PLPPR1: variants seen among roughly 807,000 people sequenced by gnomAD.
PLPPR1 encodes phospholipid phosphatase related 1, also known as phospholipid phosphatase-related protein type 1.
In PLPPR1, 10 loss-of-function variants were observed where a neutral mutation model predicts 33.1. The observed-to-expected ratio is 0.30, with a 90% CI of 0.19 to 0.51. PLPPR1 has a LOEUF of 0.51. Among genes scored for constraint, PLPPR1 ranks in the 20% least tolerant of loss-of-function variants. The probability of loss-of-function intolerance (pLI) is 0.97; values close to 1 mark genes in which losing one functional copy is unlikely to be tolerated. For missense variants in PLPPR1, 304 were observed against 408.1 expected (o/e 0.74, Z 2.20); for synonymous variants, 151 against 151.0 (o/e 1.00, Z 0.00).
intron 2 of PLPPR1, among the ~76,000 whole-genome samples, chr9:101,231,243 G>T (rs1177116327): frequency 6.7e-6 from 1 of 148,734 alleles, no homozygotes; most frequent in African/African-American, 2.5e-5. Context: ...GACTATTGCG[G>T]GAAGGGAAAA....
chr9:101,230,724 A>G (rs898570250), intron 2 of PLPPR1, among the ~76,000 whole-genome samples: 1 of 152,054 alleles, frequency 6.6e-6, no homozygotes, highest in Non-Finnish European at 1.5e-5. Context: ...TTCAAAACCC[A>G]TCGTGGGCTA....
At chr9:101,151,535 C>T (rs1191507733) in intron 1 of PLPPR1, among the ~76,000 whole-genome samples, 1 of 152,180 alleles carries the variant, frequency 6.6e-6, no homozygotes, top group African/African-American at 2.4e-5. Flanking sequence ...AATAGCAGAG[C>T]AGCATCCTAA....
chr9:101,180,111 T>G, intron 1 of PLPPR1, among the ~76,000 whole-genome samples: 1 of 20,986 alleles, frequency 4.8e-5, no homozygotes, highest in Non-Finnish European at 9.0e-5. Context: ...TATATATATA[T>G]ATATATATAT....
chr9:101,192,261 T>G (rs1448099052), intron 2 of PLPPR1, among the ~76,000 whole-genome samples: 2 of 152,212 alleles, frequency 1.3e-5, no homozygotes, highest in Admixed American at 1.3e-4. Flanking sequence ...ATTGCAACTC[T>G]TACATTTTTA....
intron 7 of PLPPR1, among the ~76,000 whole-genome samples, chr9:101,320,599 G>A (rs1346282938): frequency 6.6e-6 from 1 of 152,182 alleles, no homozygotes; most frequent in Non-Finnish European, 1.5e-5. Context: ...CTAAAGAGAA[G>A]TATTGCCTCT....
intron 2 of PLPPR1, among the ~76,000 whole-genome samples, chr9:101,230,400 C>G (rs78124577): frequency 0.076 from 11,484 of 152,100 alleles, 1,426 homozygotes; most frequent in African/African-American, 0.26. Context: ...GGCCTCTGTC[C>G]ACACCTTCAG....
intron 2 of PLPPR1, among the ~76,000 whole-genome samples, chr9:101,220,210 C>T (rs1826900827): frequency 6.6e-6 from 1 of 152,190 alleles, no homozygotes; most frequent in Non-Finnish European, 1.5e-5. Flanking sequence ...CACTGAGGGG[C>T]AAAATTGCTT....
At chr9:101,085,553 T>C (rs571660694) in intron 1 of PLPPR1, among the ~76,000 whole-genome samples, 1 of 152,058 alleles carries the variant, frequency 6.6e-6, no homozygotes, top group African/African-American at 2.4e-5. Context: ...AAACAAACAT[T>C]GGGGCCAACA....
At chr9:101,117,380 T>A (rs1464499804) in intron 1 of PLPPR1, among the ~76,000 whole-genome samples, 1 of 152,146 alleles carries the variant, frequency 6.6e-6, no homozygotes, top group African/African-American at 2.4e-5. Flanking sequence ...TTATAATGTA[T>A]TAGCATGCTA....
chr9:101,210,671 T>G (rs996236041), intron 2 of PLPPR1, among the ~76,000 whole-genome samples: 1 of 152,226 alleles, frequency 6.6e-6, no homozygotes, highest in Non-Finnish European at 1.5e-5. Context: ...TGCAATCTAC[T>G]GCTTTATCTT....
At chr9:101,185,240 T>G (rs1047591796) in intron 1 of PLPPR1, 1 of 397,304 alleles carries the variant, frequency 2.5e-6, no homozygotes, top group African/African-American at 2.1e-5. Flanking sequence ...TCATTTTGGC[T>G]GTAAAACTAT....
At chr9:101,271,164 C>A (rs1229039144) in intron 3 of PLPPR1, among the ~76,000 whole-genome samples, 2 of 152,112 alleles carry the variant, frequency 1.3e-5, no homozygotes, top group African/African-American at 4.8e-5. Context: ...CATTGATGAG[C>A]CACAACATGA....
intron 1 of PLPPR1, among the ~76,000 whole-genome samples, chr9:101,061,243 A>G (rs1830344129): frequency 6.6e-6 from 1 of 151,960 alleles, no homozygotes; most frequent in African/African-American, 2.4e-5. Flanking sequence ...TATGAAATAT[A>G]TCTAATTGCC....
chr9:101,074,365 C>T (rs1830512949), intron 1 of PLPPR1, among the ~76,000 whole-genome samples: 1 of 151,800 alleles, frequency 6.6e-6, no homozygotes, highest in Non-Finnish European at 1.5e-5. Flanking sequence ...CCAATTTTTC[C>T]CTAAAAGAAA....
chr9:101,158,039 T>TA (rs1156488261), intron 1 of PLPPR1, among the ~76,000 whole-genome samples: 3 of 151,512 alleles, frequency 2.0e-5, no homozygotes, highest in African/African-American at 7.3e-5. Flanking sequence ...ATAAAATAAA[T>TA]AAAAAAACAA....
At chr9:101,311,064 C>G (rs894321246) in intron 5 of PLPPR1, among the ~76,000 whole-genome samples, 1 of 151,994 alleles carries the variant, frequency 6.6e-6, no homozygotes, top group Non-Finnish European at 1.5e-5. Context: ...TATCTAGAAC[C>G]TAAACAATGT....
chr9:101,310,118 C>A (rs1828929755), intron 5 of PLPPR1, among the ~76,000 whole-genome samples: 1 of 152,156 alleles, frequency 6.6e-6, no homozygotes, highest in South Asian at 2.1e-4. Flanking sequence ...ACAGAAAAAC[C>A]AAAGTATGTC....
chr9:101,200,748 T>C (rs1027426505), intron 2 of PLPPR1, among the ~76,000 whole-genome samples: 2 of 152,196 alleles, frequency 1.3e-5, no homozygotes, highest in African/African-American at 4.8e-5. Context: ...ACCCTGCAAC[T>C]TTTCCTTGAG....
chr9:101,065,216 A>G (rs922232744), intron 1 of PLPPR1, among the ~76,000 whole-genome samples: 1 of 152,088 alleles, frequency 6.6e-6, no homozygotes, highest in Non-Finnish European at 1.5e-5. Context: ...GGAATTCCAT[A>G]GCACTTAACC....
Sources: gnomAD v4.1 joint callset for allele counts (sites outside exome capture counted in the v4.1 genomes callset) on GRCh38, gnomAD v4.1.1 for gene constraint, MANE v1.5 for transcripts, NCBI Gene and HGNC (gene_info 2026-07-23, HGNC 2026-07-21) for gene names.